CCDC192: variants seen among roughly 807,000 people sequenced by gnomAD.
The protein encoded by CCDC192 is coiled-coil domain containing 192, also known as coiled-coil domain-containing protein 192.
chr5:127,749,270 A>C (rs1228525180), intron 2 of CCDC192, among the ~76,000 whole-genome samples: 2 of 152,102 alleles, frequency 1.3e-5, no homozygotes, highest in Admixed American at 6.6e-5. Context: ...AGCTCTTATT[A>C]TTTTGAAATA....
At chr5:127,813,819 T>C (rs966718349) in intron 5 of CCDC192, among the ~76,000 whole-genome samples, 9 of 152,148 alleles carry the variant, frequency 5.9e-5, no homozygotes, top group African/African-American at 2.2e-4. Flanking sequence ...TCTACACTTC[T>C]TAAACTTTTT....
Position 127,790,496 on chromosome 5 carries a change from C to T in CCDC192, c.223-6607C>T, listed in dbSNP as rs114538444. On this transcript the variant is annotated intron_variant, in intron 3 of 6. Coordinates refer to ENST00000514853, the MANE Select transcript of CCDC192 (RefSeq NM_001317938.2). ...TATTTTTCTTCTAGTTATATTGATA[C>T]ACAATAAATTATTGTTAACCATAAT... is the stretch of plus-strand genomic sequence containing the variant. Among the ~76,000 whole-genome samples, 971 of 152,094 alleles carry T rather than the reference C, an allele frequency of 6.4e-3. 14 individuals are homozygous for T. The highest frequency in any genetic ancestry group is 0.022 in the African/African-American group (930 of 41,468).
At chr5:127,890,947 C>T (rs866947182) in intron 6 of CCDC192, among the ~76,000 whole-genome samples, 2 of 152,154 alleles carry the variant, frequency 1.3e-5, no homozygotes, top group African/African-American at 4.8e-5. Flanking sequence ...AGCAAAGCAG[C>T]CATGTTTTTT....
Position 127,728,015 on chromosome 5 carries a change from A to C in CCDC192, c.114+20255A>C, listed in dbSNP as rs944730818. ...GAGAAAAATGAATGAAAAGGAATAA[A>C]CAAAACCTCTGAGGACTATGGGATT... is the stretch of plus-strand genomic sequence containing the variant. On this transcript the variant is annotated intron_variant, in intron 2 of 6. Transcript: ENST00000514853. Among the ~76,000 whole-genome samples the C allele has an allele frequency of 1.3e-4, 20 of 152,308 alleles. No individual in the cohort carries two copies. In the East Asian group the frequency reaches 3.3e-3, roughly 25 times the overall value.
Position 127,797,149 on chromosome 5 carries a change from C to G in CCDC192, c.269C>G (p.Ser90Cys), listed in dbSNP as rs926825955. ...AAATCAAAACTGCTTGAACAAGTAT[C>G]CCGGCTGGAGGAAAAACTGGAGGCT... ...GTKSKLLEQV[S>C]RLEEKLEAVD... Residue 90 changes from serine (S) to cysteine (C), a missense_variant, in exon 4 of 7, where the codon TCC becomes TGC. Ser to Cys is a moderately radical substitution (Grantham distance 112, BLOSUM62 -1). Transcript: ENST00000514853. 11 of 398,388 alleles carry G rather than the reference C, an allele frequency of 2.8e-5. No homozygotes were observed. Among genetic ancestry groups the G allele is most frequent in the Non-Finnish European group, 4.9e-5 (11 of 225,672 alleles). The allele number at this position is 398,388 out of a possible 1,614,324, so 24.7% of individuals were successfully genotyped here.
At chr5:127,895,067 C>T (rs904083179) in intron 6 of CCDC192, among the ~76,000 whole-genome samples, 2 of 152,038 alleles carry the variant, frequency 1.3e-5, no homozygotes, top group Non-Finnish European at 1.5e-5. Context: ...GCGTGTGCTG[C>T]GGTATTTTGC....
At chr5:127,889,176 C>G (rs1465083418) in intron 6 of CCDC192, among the ~76,000 whole-genome samples, 1 of 152,144 alleles carries the variant, frequency 6.6e-6, no homozygotes, top group Non-Finnish European at 1.5e-5. Context: ...TTCATGAGCA[C>G]ATGCTGCTGA....
At chr5:127,928,652 C>T (rs1753931009) in intron 6 of CCDC192, among the ~76,000 whole-genome samples, 1 of 152,216 alleles carries the variant, frequency 6.6e-6, no homozygotes, top group Non-Finnish European at 1.5e-5. Context: ...TTCTGCCTAC[C>T]ACACTTCCCT....
At chr5:127,802,135 T>C (rs141417242) in intron 5 of CCDC192, among the ~76,000 whole-genome samples, 159 of 152,336 alleles carry the variant, frequency 1.0e-3, no homozygotes, top group Non-Finnish European at 1.9e-3. Flanking sequence ...CACTACACTT[T>C]GTTGACATTA....
At chr5:127,888,282 G>T (rs1330696768) in intron 6 of CCDC192, among the ~76,000 whole-genome samples, 2 of 151,938 alleles carry the variant, frequency 1.3e-5, no homozygotes, top group East Asian at 3.9e-4. Flanking sequence ...CAGTCATGGT[G>T]GTTGGTGCCT....
At chr5:127,895,223 C>G (rs1215026521) in intron 6 of CCDC192, among the ~76,000 whole-genome samples, 2 of 152,102 alleles carry the variant, frequency 1.3e-5, no homozygotes, top group Non-Finnish European at 2.9e-5. Flanking sequence ...CAGTGGCCAC[C>G]CCTTAAATGC....
intron 2 of CCDC192, among the ~76,000 whole-genome samples, chr5:127,731,053 T>C (rs1240584559): frequency 6.6e-6 from 1 of 152,062 alleles, no homozygotes; most frequent in Non-Finnish European, 1.5e-5. Flanking sequence ...CATATTCAAA[T>C]AGGAAGGGAG....
chr5:127,846,418 C>A (rs938607890), intron 5 of CCDC192, among the ~76,000 whole-genome samples: 1 of 152,080 alleles, frequency 6.6e-6, no homozygotes, highest in Admixed American at 6.5e-5. Flanking sequence ...CCCACACACC[C>A]CTTACGCCCA....
intron 5 of CCDC192, among the ~76,000 whole-genome samples, chr5:127,801,836 A>C (rs1276740906): frequency 6.6e-6 from 1 of 152,192 alleles, no homozygotes; most frequent in Non-Finnish European, 1.5e-5. Context: ...AGGTTGAGAA[A>C]GCTCCATCCA....
At chr5:127,915,090 C>T (rs576604337) in intron 6 of CCDC192, among the ~76,000 whole-genome samples, 7 of 152,130 alleles carry the variant, frequency 4.6e-5, no homozygotes, top group South Asian at 2.1e-4. Flanking sequence ...GCTCAGTTCC[C>T]GGGAACCAGA....
intron 6 of CCDC192, among the ~76,000 whole-genome samples, chr5:127,931,091 A>G (rs1754017045): frequency 6.6e-6 from 1 of 152,140 alleles, no homozygotes; most frequent in South Asian, 2.1e-4. Context: ...TGGGGGATTC[A>G]CTTCCTCCCT....
chr5:127,828,266 T>C (rs1283177688), intron 5 of CCDC192, among the ~76,000 whole-genome samples: 5 of 152,178 alleles, frequency 3.3e-5, no homozygotes, highest in Non-Finnish European at 5.9e-5. Flanking sequence ...CACCCAATCA[T>C]TTCAAGAAAT....
At chr5:127,795,896 G>A (rs562865611) in intron 3 of CCDC192, among the ~76,000 whole-genome samples, 25 of 152,274 alleles carry the variant, frequency 1.6e-4, no homozygotes, top group Admixed American at 2.0e-4. Context: ...ATGCACTCAG[G>A]AGTTAAACAC....
At chr5:127,885,918 A>G (rs1466762793) in intron 6 of CCDC192, among the ~76,000 whole-genome samples, 1 of 152,218 alleles carries the variant, frequency 6.6e-6, no homozygotes. Context: ...TCAATTAAAT[A>G]AAGCCATAAT....
Sources: gnomAD v4.1 joint callset for allele counts (sites outside exome capture counted in the v4.1 genomes callset) on GRCh38, gnomAD v4.1.1 for gene constraint, MANE v1.5 for transcripts, NCBI Gene and HGNC (gene_info 2026-07-23, HGNC 2026-07-21) for gene names.